Variants in FGF13 observed in about 807,000 individuals in gnomAD.
FGF13 encodes fibroblast growth factor 13.
In FGF13, 2 loss-of-function variants were observed where a neutral mutation model predicts 19.5. That is an observed-to-expected ratio of 0.10 (90% CI 0.04 to 0.32). The LOEUF (loss-of-function observed/expected upper bound fraction) is 0.32, where lower values mean the gene tolerates loss of function less well. Among genes scored for constraint, FGF13 ranks in the 10% least tolerant of loss-of-function variants. The pLI is 1.00. For synonymous variants in FGF13, 72 were observed against 76.9 expected (o/e 0.94, Z 0.33); for missense variants, 113 against 192.7 (o/e 0.59, Z 2.45).
chrX:138,876,647 T>C (rs2091390855), intron 1 of FGF13, among the ~76,000 whole-genome samples: 1 of 112,067 alleles, frequency 8.9e-6, no homozygotes, highest in African/African-American at 3.2e-5. Flanking sequence ...AAGAGGATGC[T>C]GACCTCCAGA....
At chrX:139,203,438 G>T (rs1249206588) in exon 1 of FGF13, 1 of 105,062 alleles carries the variant, frequency 9.5e-6, no homozygotes, top group Non-Finnish European at 2.0e-5. Flanking sequence ...CGTGTCGAAG[G>T]GTGCAAACTC....
chrX:138,743,811 T>C (rs928672466), upstream of FGF13, among the ~76,000 whole-genome samples: 1 of 111,618 alleles, frequency 9.0e-6, no homozygotes, highest in Non-Finnish European at 1.9e-5. Context: ...GTTTTTGTTT[T>C]TGCCTATGTG....
intron 3 of FGF13, among the ~76,000 whole-genome samples, chrX:138,758,241 G>C (rs1266825660): frequency 9.0e-6 from 1 of 111,404 alleles, no homozygotes; most frequent in African/African-American, 3.3e-5. Flanking sequence ...CCGGGGGAAT[G>C]TACTCTGGGG....
Position 138,793,077 on chromosome X carries a change from G to A in FGF13, c.217+64435C>T, listed in dbSNP as rs187403173. ...ACATAAGAAGAGGAAGTGATGCGAA[G>A]ACAGGTAGAGACTGAAGTGCTACAG... On this transcript the variant is annotated intron_variant, in intron 3 of 6. Coordinates refer to the FGF13 transcript ENST00000436198. 4.0e-4 allele frequency among the ~76,000 whole-genome samples: 45 copies of A among 111,463 alleles called. No homozygotes were observed. The East Asian group carries it at 0.012, about 29-fold the overall frequency.
In FGF13 at chrX:138,625,647, A is replaced by G. The variant is rs761433016; in HGVS notation, c.*7203T>C. 9.4e-6 allele frequency: 1 copy of G among 106,735 alleles called. No homozygotes were observed. The highest frequency in any genetic ancestry group is 2.9e-4 in the East Asian group (1 of 3,416). 8.8% of individuals were successfully genotyped at this position (106,735 alleles called of 1,213,427 possible). On this transcript the variant is annotated 3_prime_UTR_variant, in exon 5 of 5. Coordinates refer to ENST00000315930, the MANE Select transcript of FGF13 (RefSeq NM_004114.5). ...CCAGATGAAAAAAGAAAAAAATGCT[A>G]CATGACATCCTTTGTATAAAAAGAA... is the stretch of plus-strand genomic sequence containing the variant.
At position 138,616,206 on chromosome X, in the gene FGF13, C is replaced by T. The variant is rs1273729755; in HGVS notation, c.*16644G>A. The T allele has an allele frequency of 1.8e-5, 2 of 112,227 alleles. No individual in the cohort carries two copies. Among genetic ancestry groups the T allele is most frequent in the Admixed American group, 1.9e-4 (2 of 10,606 alleles). 9.2% of individuals were successfully genotyped at this position (112,227 alleles called of 1,213,427 possible). A position where few individuals can be genotyped will look rare whatever the true frequency, so the allele number is the denominator to read the frequency against. On this transcript the variant is annotated 3_prime_UTR_variant, in exon 5 of 5. Coordinates refer to ENST00000315930, the MANE Select transcript of FGF13 (RefSeq NM_004114.5). Reference sequence around the variant, plus strand: ...CTGAGACAAAGCAAGTCCCTTCCACCTATAAGCCTGTAAAATCTAAAGCAA... The same window carrying T: ...CTGAGACAAAGCAAGTCCCTTCCACTTATAAGCCTGTAAAATCTAAAGCAA...
chrX:138,979,906 G>A (rs951255204), intron 1 of FGF13, among the ~76,000 whole-genome samples: 8 of 111,653 alleles, frequency 7.2e-5, no homozygotes, highest in African/African-American at 2.6e-4. Context: ...GAGTTGGCAG[G>A]CTGGTTTGAC....
At chrX:138,857,113 T>A (rs891332766), downstream of FGF13, among the ~76,000 whole-genome samples, 2 of 111,611 alleles carry the variant, frequency 1.8e-5, no homozygotes, top group Non-Finnish European at 3.8e-5. Context: ...GAGTTGAAAA[T>A]TTTTGAAACA....
At chrX:138,738,982 C>A (rs770196173) in intron 1 of FGF13, among the ~76,000 whole-genome samples, 2 of 109,741 alleles carry the variant, frequency 1.8e-5, no homozygotes, top group Non-Finnish European at 1.9e-5. Context: ...GTCAGAAATA[C>A]ACATTCAGTT....
At chrX:138,932,930 C>A (rs994181477) in intron 1 of FGF13, among the ~76,000 whole-genome samples, 1 of 110,995 alleles carries the variant, frequency 9.0e-6, no homozygotes, top group African/African-American at 3.3e-5. Flanking sequence ...TCATGGAGGA[C>A]CAGTGTTAGT....
At chrX:138,652,804 C>T (rs1305162049) in intron 3 of FGF13, among the ~76,000 whole-genome samples, 2 of 111,972 alleles carry the variant, frequency 1.8e-5, no homozygotes, top group Non-Finnish European at 3.8e-5. Flanking sequence ...AAAGAGAATA[C>T]CTTTGAAAAG....
intron 3 of FGF13, among the ~76,000 whole-genome samples, chrX:138,776,533 G>T (rs1300614455): frequency 2.7e-5 from 3 of 111,970 alleles, no homozygotes. Context: ...TATGCCAAAG[G>T]CCTCACAACT....
At position 139,024,069 on chromosome X, in the gene FGF13, A is replaced by AT. The variant is rs200093756; in HGVS notation, c.-112-159420dup. ...TTTTTGGCTTAGGTCCATTAAAACA[A>AT]TTTTTTTTTCCAGAAGGGCTGGGTC... On this transcript the variant is annotated intron_variant, in intron 1 of 2. Coordinates refer to the FGF13 transcript ENST00000421460. Among the ~76,000 whole-genome samples the AT allele has an allele frequency of 2.1e-4, 23 of 109,779 alleles. 1 individual carries two copies. In the South Asian group the frequency reaches 7.4e-3, roughly 36 times the overall value.
rs150693581 is a variant in FGF13, at chrX:138,747,944, C to T, written c.218-39016G>A. On this transcript the variant is annotated intron_variant, in intron 3 of 6. Transcript: ENST00000436198. The stretch of plus-strand genomic sequence containing the variant: ...TTGACCTGGAGAGAATGGAGCTTCT[C>T]TGCCTGCCAACGAGATTCTAGGCTT... Among the ~76,000 whole-genome samples, 910 of 110,733 alleles carry T rather than the reference C, an allele frequency of 8.2e-3. 11 individuals carry two copies. Among genetic ancestry groups the T allele is most frequent in the African/African-American group, 0.029 (880 of 30,407 alleles).
intron 1 of FGF13, among the ~76,000 whole-genome samples, chrX:138,983,839 G>T (rs904500715): frequency 9.0e-6 from 1 of 110,962 alleles, no homozygotes; most frequent in East Asian, 2.9e-4. Flanking sequence ...ATGGGATAGT[G>T]TTCAGCATTC....
intron 3 of FGF13, among the ~76,000 whole-genome samples, chrX:138,784,872 C>T (rs1446682950): frequency 8.9e-6 from 1 of 112,100 alleles, no homozygotes; most frequent in Non-Finnish European, 1.9e-5. Context: ...GTTAACTCTA[C>T]TCTCTTCCTA....
intron 1 of FGF13, among the ~76,000 whole-genome samples, chrX:139,039,849 C>T (rs2092263374): frequency 8.9e-6 from 1 of 111,795 alleles, no homozygotes; most frequent in Non-Finnish European, 1.9e-5. Flanking sequence ...GCAAAGAGAA[C>T]ACCTGCAGAT....
At chrX:139,061,573 A>C (rs2092336189) in intron 1 of FGF13, among the ~76,000 whole-genome samples, 1 of 110,158 alleles carries the variant, frequency 9.1e-6, no homozygotes, top group Admixed American at 9.8e-5. Flanking sequence ...CCTACCTTGG[A>C]CTTTCCAGCC....
chrX:139,024,508 T>A (rs1478476798), intron 1 of FGF13, among the ~76,000 whole-genome samples: 1 of 111,420 alleles, frequency 9.0e-6, no homozygotes, highest in African/African-American at 3.3e-5. Context: ...TGAATATAAG[T>A]CCCTTTGTCA....
Sources: gnomAD v4.1 joint callset for allele counts (sites outside exome capture counted in the v4.1 genomes callset) on GRCh38, gnomAD v4.1.1 for gene constraint, MANE v1.5 for transcripts, NCBI Gene and HGNC (gene_info 2026-07-23, HGNC 2026-07-21) for gene names.